GRIA2: variants seen among roughly 807,000 people sequenced by gnomAD.
The protein encoded by GRIA2 is glutamate receptor 2.
Under a neutral mutation model 97.3 loss-of-function variants are expected in GRIA2, and 14 were observed. The observed-to-expected ratio is 0.14, with a 90% confidence interval of 0.10 to 0.23. The LOEUF (loss-of-function observed/expected upper bound fraction) is 0.23, where lower values mean the gene tolerates loss of function less well. Among genes scored for constraint, GRIA2 ranks in the 10% least tolerant of loss-of-function variants. GRIA2 has a pLI of 1.00. For synonymous variants in GRIA2, 412 were observed against 387.8 expected (o/e 1.06, Z -0.73); for missense variants, 558 against 1,069.8 (o/e 0.52, Z 6.67).
rs1289992355 is a variant in GRIA2, at chr4:157,220,994, A to G, written c.-49A>G. On this transcript the variant is annotated 5_prime_UTR_variant, in exon 1 of 16. Transcript: ENST00000264426. ...AAACAGCCAAAGAAGGAAGAGGAGG[A>G]AAAGGAAAAAAAAAGGGGTATATTG... 1 of 924,034 alleles carries G rather than the reference A, an allele frequency of 1.1e-6. No homozygotes were observed. The highest frequency in any genetic ancestry group is 1.8e-6 in the Non-Finnish European group (1 of 553,970). The allele number at this position is 924,034 out of a possible 1,614,324, so 57.2% of individuals were successfully genotyped here.
In GRIA2 at chr4:157,334,030, G is replaced by A. The variant is rs757264518; in HGVS notation, c.1176G>A (p.Val392=). The stretch of plus-strand genomic sequence containing the variant: ...TCCAGATTGGCTACTGGAGTGAAGT[G>A]GACAAAATGGTTGTTACCCTTACTG... ...GPRKIGYWSE[V]DKMVVTLTEL... Residue 392 remains valine, a synonymous_variant, in exon 9 of 16, where the codon GTG becomes GTA. Coordinates refer to ENST00000264426, the MANE Select transcript of GRIA2 (RefSeq NM_001083619.3). 2 of 1,601,260 alleles carry A rather than the reference G, an allele frequency of 1.2e-6. No individual in the cohort carries two copies. Among genetic ancestry groups the A allele is most frequent in the South Asian group, 1.1e-5 (1 of 90,778 alleles).
intron 2 of GRIA2, among the ~76,000 whole-genome samples, chr4:157,291,910 A>G (rs995767625): frequency 6.6e-5 from 10 of 151,960 alleles, no homozygotes; most frequent in Non-Finnish European, 1.0e-4. Context: ...TCAATATCTA[A>G]AATAGAAAAT....
At chr4:157,315,645 A>G (rs991744633) in intron 4 of GRIA2, among the ~76,000 whole-genome samples, 3 of 151,900 alleles carry the variant, frequency 2.0e-5, no homozygotes, top group African/African-American at 7.3e-5. Context: ...CTGGTTGAAG[A>G]GATTCTACTG....
chr4:157,321,817 C>A (rs549281307), intron 6 of GRIA2, among the ~76,000 whole-genome samples: 46 of 152,186 alleles, frequency 3.0e-4, no homozygotes, highest in Admixed American at 2.3e-3. Flanking sequence ...TACTTCCGTA[C>A]ACCTATGATA....
chr4:157,238,205 A>G (rs1375985747), intron 2 of GRIA2, among the ~76,000 whole-genome samples: 1 of 152,166 alleles, frequency 6.6e-6, no homozygotes, highest in Non-Finnish European at 1.5e-5. Context: ...AAAATTCTAG[A>G]AAGTTACTTG....
chr4:157,361,256 C>T lies in GRIA2; in HGVS notation c.2406+132C>T. 1 of 686,646 alleles carries T rather than the reference C, an allele frequency of 1.5e-6. No homozygotes were observed. Among genetic ancestry groups the T allele is most frequent in the Non-Finnish European group, 2.5e-6 (1 of 400,018 alleles). 42.5% of individuals were successfully genotyped at this position (686,646 alleles called of 1,614,324 possible). A position where few individuals can be genotyped will look rare whatever the true frequency, so the allele number is the denominator to read the frequency against. ...GAAGAGTGCAATTGGATGACCAGGA[C>T]ACTTGACTTCTTCTTTCTTTCTTCC... is the stretch of plus-strand genomic sequence containing the variant. On this transcript the variant is annotated intron_variant, in intron 14 of 15. Transcript: ENST00000264426. This position sits in a 1 kb window ranked among gnomAD's most constrained non-coding sequence, Gnocchi z 5.2.
At chr4:157,301,051 G>A (rs1487012842) in intron 2 of GRIA2, among the ~76,000 whole-genome samples, 1 of 152,108 alleles carries the variant, frequency 6.6e-6, no homozygotes, top group East Asian at 1.9e-4. Flanking sequence ...AAATCATATT[G>A]CATGATATTC....
At chr4:157,239,102 T>C (rs1730382164) in intron 2 of GRIA2, among the ~76,000 whole-genome samples, 1 of 152,102 alleles carries the variant, frequency 6.6e-6, no homozygotes, top group Admixed American at 6.6e-5. Context: ...AATTTAATGC[T>C]TCTGCCGAGG....
intron 2 of GRIA2, among the ~76,000 whole-genome samples, chr4:157,292,343 T>C (rs1323932917): frequency 1.3e-5 from 2 of 152,014 alleles, no homozygotes; most frequent in East Asian, 1.9e-4. Context: ...TGAACATCTA[T>C]GTGGAAACAA....
chr4:157,329,550 A>G (rs2061111609), intron 6 of GRIA2, among the ~76,000 whole-genome samples: 1 of 151,924 alleles, frequency 6.6e-6, no homozygotes, highest in South Asian at 2.1e-4. Flanking sequence ...GAGGGTCTAT[A>G]ATATGTCAAT....
chr4:157,292,796 C>T (rs1733164272), intron 2 of GRIA2, among the ~76,000 whole-genome samples: 1 of 152,056 alleles, frequency 6.6e-6, no homozygotes, highest in African/African-American at 2.4e-5. Context: ...AGTCAGGCTG[C>T]CTGGGTTGAC....
rs759123078 is a variant in GRIA2 at position 157,312,724 on chromosome 4, A to G, written c.515A>G (p.Lys172Arg). ...QAVLDSAAEK[K>R]WQVTAINVGN... Reference sequence around the variant, plus strand: ...GTGCTGGATTCTGCTGCTGAAAAGAAATGGCAAGTGACTGCTATCAATGTG... The same window carrying G: ...GTGCTGGATTCTGCTGCTGAAAAGAGATGGCAAGTGACTGCTATCAATGTG... Residue 172 changes from lysine to arginine, a missense_variant, in exon 4 of 16, where the codon AAA becomes AGA. Around this residue, in one of 8 missense-constraint regions of GRIA2, gnomAD observed 173 missense variants for 209.1 expected, o/e 0.83. Coordinates refer to ENST00000264426, the MANE Select transcript of GRIA2 (RefSeq NM_001083619.3). The G allele has an allele frequency of 6.2e-7, 1 of 1,611,860 alleles. No homozygotes were observed. Among genetic ancestry groups the G allele is most frequent in the South Asian group, 1.1e-5 (1 of 90,880 alleles).
chr4:157,250,748 C>T (rs1015444434), intron 2 of GRIA2, among the ~76,000 whole-genome samples: 1 of 152,084 alleles, frequency 6.6e-6, no homozygotes, highest in Non-Finnish European at 1.5e-5. Flanking sequence ...ATATGATAAT[C>T]TTGCTATATA....
intron 15 of GRIA2, 87 bp downstream of exon 15, chr4:157,363,134 C>T (rs1736710581): frequency 7.6e-7 from 1 of 1,313,248 alleles, no homozygotes. Context: ...AGGAAGGTGG[C>T]CAATGGATCA....
At chr4:157,291,265 C>G (rs1733088023) in intron 2 of GRIA2, among the ~76,000 whole-genome samples, 1 of 151,940 alleles carries the variant, frequency 6.6e-6, no homozygotes, top group Admixed American at 6.6e-5. Flanking sequence ...CTTTCTCCCT[C>G]TCAATGGTTT....
intron 2 of GRIA2, among the ~76,000 whole-genome samples, chr4:157,248,197 A>C (rs1730820937): frequency 6.6e-6 from 1 of 151,494 alleles, no homozygotes; most frequent in Admixed American, 6.6e-5. Context: ...ACTGAATCAG[A>C]GGTAACCTAA....
At chr4:157,309,371 A>C (rs1332534455) in intron 3 of GRIA2, among the ~76,000 whole-genome samples, 1 of 117,174 alleles carries the variant, frequency 8.5e-6, no homozygotes, top group Non-Finnish European at 1.7e-5. Flanking sequence ...TTTTTTTTTG[A>C]AATGGAGTCC....
At chr4:157,298,325 T>C (rs1034285600) in intron 2 of GRIA2, among the ~76,000 whole-genome samples, 5 of 152,094 alleles carry the variant, frequency 3.3e-5, no homozygotes, top group Non-Finnish European at 7.4e-5. Flanking sequence ...AAAAGTGCTT[T>C]GTAAATGTGC....
rs896502101 is a variant in GRIA2 at position 157,244,709 on chromosome 4, A to G, written c.229+22902A>G. Among the ~76,000 whole-genome samples, 7 of 152,106 alleles carry G rather than the reference A, an allele frequency of 4.6e-5. No homozygotes were observed. The East Asian group carries it at 9.7e-4, about 21-fold the overall frequency. The stretch of plus-strand genomic sequence containing the variant: ...CTTTAAAGTTTGTCTCTTACTTAGC[A>G]CTGAAACTATTTTCTGAACAATAAT... On this transcript the variant is annotated intron_variant, in intron 2 of 15. Coordinates refer to ENST00000264426, the MANE Select transcript of GRIA2 (RefSeq NM_001083619.3).
Sources: allele counts gnomAD v4.1 joint callset (sites outside exome capture counted in the v4.1 genomes callset), GRCh38; gene constraint gnomAD v4.1.1; regional missense constraint gnomAD v4.1.1; non-coding constraint Gnocchi (gnomAD v3.1); transcripts MANE v1.5; gene names NCBI Gene and HGNC (gene_info 2026-07-23, HGNC 2026-07-21).